The following SLC12A4 variants were observed in gnomAD, a reference collection of about 807,000 sequenced individuals.
The protein encoded by SLC12A4 is electroneutral potassium-chloride cotransporter 1.
Under a neutral mutation model 119.2 loss-of-function variants are expected in SLC12A4, and 84 were observed. The observed-to-expected ratio is 0.70, with a 90% confidence interval of 0.59 to 0.85. The LOEUF (loss-of-function observed/expected upper bound fraction) is 0.85, where lower values mean the gene tolerates loss of function less well. Among genes scored for constraint, SLC12A4 ranks in the 40% least tolerant of loss-of-function variants. The pLI is 0.00. For missense variants in SLC12A4, 1,298 were observed against 1,476.3 expected (o/e 0.88, Z 1.98); for synonymous variants, 599 against 604.6 (o/e 0.99, Z 0.14).
rs1199110131 is a variant in SLC12A4, at chr16:67,951,574, C to T, written c.1132+249G>A. On this transcript the variant is annotated intron_variant, in intron 8 of 23. Coordinates refer to ENST00000316341, the MANE Select transcript of SLC12A4 (RefSeq NM_005072.5). The surrounding 1 kb of genome is among the most constrained non-coding windows in gnomAD (Gnocchi z 5.2). ...GAGGCCTTTATGGATCCTGTGGGAA[C>T]ATCCCCAGGCAGTGTCAGGGGCTGG... The T allele has an allele frequency of 3.3e-6, 2 of 607,344 alleles. No individual in the cohort carries two copies. The highest frequency in any genetic ancestry group is 5.8e-6 in the Non-Finnish European group (2 of 345,202). The allele number at this position is 607,344 out of a possible 1,614,324, so 37.6% of individuals were successfully genotyped here. A position where few individuals can be genotyped will look rare whatever the true frequency, so the allele number is the denominator to read the frequency against.
rs2058384136 is a variant in SLC12A4 at position 67,949,094 on chromosome 16, C to G, written c.1748+706G>C. On this transcript the variant is annotated intron_variant, in intron 13 of 23. Coordinates refer to ENST00000316341, the MANE Select transcript of SLC12A4 (RefSeq NM_005072.5). This position sits in a 1 kb window ranked among gnomAD's most constrained non-coding sequence, Gnocchi z 4.6. ...GGAGTCACCACATGCTGGCCACTCC[C>G]TGCAAGGCACTGGCACGCAGATTTG... is the stretch of plus-strand genomic sequence containing the variant. Among the ~76,000 whole-genome samples the G allele has an allele frequency of 6.6e-6, 1 of 152,172 alleles. No individual in the cohort carries two copies. Among genetic ancestry groups the G allele is most frequent in the Non-Finnish European group, 1.5e-5 (1 of 68,026 alleles).
chr16:67,945,256 G>T (rs1482931525), intron 22 of SLC12A4, 36 bp from the exon 23 acceptor site: 1 of 1,553,118 alleles, frequency 6.4e-7, no homozygotes. Context: ...GTCGCCATGA[G>T]CCATCCTGCA....
intron 1 of SLC12A4, chr16:67,963,892 C>T: frequency 6.5e-7 from 1 of 1,547,124 alleles, no homozygotes; most frequent in Non-Finnish European, 8.7e-7. Flanking sequence ...CCCAGATCGC[C>T]TCCACGCCCC....
At position 67,950,051 on chromosome 16, in the gene SLC12A4, G is replaced by T; in HGVS notation, c.1630-133C>A. 1.4e-6 allele frequency: 1 copy of T among 738,574 alleles called. No individual in the cohort carries two copies. Among genetic ancestry groups the T allele is most frequent in the Non-Finnish European group, 2.3e-6 (1 of 435,218 alleles). 45.8% of individuals were successfully genotyped at this position (738,574 alleles called of 1,614,324 possible). ...GGCCGCCCCTGTGTCTATCCCTATG[G>T]GTGTCACCAGTCTCCCTGATTCCAC... On this transcript the variant is annotated intron_variant, in intron 12 of 23. Transcript: ENST00000316341. The surrounding 1 kb of genome is among the most constrained non-coding windows in gnomAD (Gnocchi z 4.3).
chr16:67,957,753 C>A lies in SLC12A4; in HGVS notation c.533G>T (p.Gly178Val). The change falls in exon 5 of 24, where the codon GGT becomes GTT. Residue 178 changes from glycine to valine, a missense_variant. Transcript: ENST00000316341. ...AISMSAIATNGVVPAGGSYFM... is the reference protein window; with the variant it reads ...AISMSAIATNVVVPAGGSYFM... Reference sequence around the variant, plus strand: ...TGGCGCTCACTGACCTGGAACCACACCGTTGGTGGCGATGGCACTCATGGA... The same window carrying A: ...TGGCGCTCACTGACCTGGAACCACAACGTTGGTGGCGATGGCACTCATGGA... 6.2e-7 allele frequency: 1 copy of A among 1,613,526 alleles called. No homozygotes were observed. The highest frequency in any genetic ancestry group is 8.5e-7 in the Non-Finnish European group (1 of 1,180,026).
rs761356490 is a variant in SLC12A4, at chr16:67,946,162, CT to C, written c.2607+8del. ...AGCCCCTCTCATCTGCACCCACCCC[CT>C]GGTCTACCTTATGCTGGCGCAGCAG... is the stretch of plus-strand genomic sequence containing the variant. On this transcript the variant is annotated splice_region_variant and intron_variant, in intron 19 of 23. Transcript: ENST00000316341. The C allele has an allele frequency of 3.4e-5, 55 of 1,613,846 alleles. No homozygotes were observed. The African/African-American group carries it at 6.5e-4, about 19-fold the overall frequency.
At chr16:67,965,716 T>G (rs1033032464) in intron 1 of SLC12A4, among the ~76,000 whole-genome samples, 4 of 152,188 alleles carry the variant, frequency 2.6e-5, no homozygotes, top group Admixed American at 1.3e-4. Context: ...CTGTAAATGG[T>G]CCTCTAAGAC....
chr16:67,956,644 A>G (rs1475773598), intron 5 of SLC12A4, among the ~76,000 whole-genome samples: 1 of 152,150 alleles, frequency 6.6e-6, no homozygotes, highest in East Asian at 1.9e-4. Flanking sequence ...AGATCATGCC[A>G]CTGCACTCCA....
chr16:67,953,917 T>C (rs985293736), intron 6 of SLC12A4, among the ~76,000 whole-genome samples: 9 of 152,102 alleles, frequency 5.9e-5, no homozygotes, highest in African/African-American at 1.7e-4. Flanking sequence ...ACATAATGAA[T>C]GTAGAAGGGA....
chr16:67,951,112 G>T lies in SLC12A4; in HGVS notation c.1297+28C>A, dbSNP rs375980951. The T allele has an allele frequency of 8.1e-6, 13 of 1,613,810 alleles. No individual in the cohort carries two copies. The highest frequency in any genetic ancestry group is 1.0e-5 in the Non-Finnish European group (12 of 1,179,800). On this transcript the variant is annotated intron_variant, in intron 9 of 23. Transcript: ENST00000316341. This position sits in a 1 kb window ranked among gnomAD's most constrained non-coding sequence, Gnocchi z 5.2. ...GGGGCTCCCCGGGATTGGGGACAGG[G>T]CTGGGTGGGTAGGCAGGCAGGGCTC... is the stretch of plus-strand genomic sequence containing the variant.
chr16:67,944,906 G>A lies in SLC12A4; in HGVS notation c.3192C>T (p.Thr1064=), dbSNP rs778938401. Residue 1064 remains threonine (T), a synonymous_variant, in exon 24 of 24, where the codon ACC becomes ACT. Coordinates refer to ENST00000316341, the MANE Select transcript of SLC12A4 (RefSeq NM_005072.5). This position sits in a 1 kb window ranked among gnomAD's most constrained non-coding sequence, Gnocchi z 6.6. ...CCAACAGCACCCGCTCAAGGCCCTC[G>A]GTCAGCACCTCGAGGAACTCCATGT... ...ENYMEFLEVL[T]EGLERVLLVR... 5.0e-6 allele frequency: 8 copies of A among 1,613,306 alleles called. No individual in the cohort carries two copies. Among genetic ancestry groups the A allele is most frequent in the Admixed American group, 1.7e-5 (1 of 59,982 alleles).
Position 67,952,322 on chromosome 16 carries a change from G to A in SLC12A4, c.779C>T (p.Thr260Ile), listed in dbSNP as rs1232741135. ...CACAAACACCACCAGGGTCATGAAG[G>A]TCAGGAAAATGGTCCCATACACACG... is the stretch of plus-strand genomic sequence containing the variant. The part of the protein sequence containing the change: ...NMRVYGTIFL[T>I]FMTLVVFVGV... The change falls in exon 7 of 24, where the codon ACC becomes ATC. Residue 260 changes from threonine to isoleucine, a missense_variant. Thr to Ile is a moderately conservative substitution (Grantham distance 89). Coordinates refer to ENST00000316341, the MANE Select transcript of SLC12A4 (RefSeq NM_005072.5). The A allele has an allele frequency of 6.2e-7, 1 of 1,614,040 alleles. No individual in the cohort carries two copies. Among genetic ancestry groups the A allele is most frequent in the East Asian group, 2.2e-5 (1 of 44,900 alleles).
rs2058331013 is a variant in SLC12A4 at position 67,945,364 on chromosome 16, C to T, written c.3032+5G>A. ...TGCCGCTGGGGCTGTTTTTGCTGCA[C>T]TCACGGCTTAATGTGCACCAGCTCC... On this transcript the variant is annotated splice_donor_5th_base_variant and intron_variant, in intron 22 of 23. Coordinates refer to ENST00000316341, the MANE Select transcript of SLC12A4 (RefSeq NM_005072.5). 2 of 1,611,436 alleles carry T rather than the reference C, an allele frequency of 1.2e-6. No individual in the cohort carries two copies. The highest frequency in any genetic ancestry group is 1.3e-5 in the African/African-American group (1 of 74,886).
rs369573904 is a variant in SLC12A4 at position 67,946,582 on chromosome 16, C to T, written c.2293G>A (p.Val765Met). 2.0e-5 allele frequency: 33 copies of T among 1,613,056 alleles called. No individual in the cohort carries two copies. The highest frequency in any genetic ancestry group is 2.6e-5 in the Non-Finnish European group (31 of 1,180,022). ...IEKVKGFCQV[V>M]VASKVREGLA... The stretch of plus-strand genomic sequence containing the variant: ...CCCTCCCGCACCTTGCTGGCCACCA[C>T]CACCTGGCAGAAGCCCTTCACCTTC... Residue 765 changes from valine to methionine, a missense_variant, in exon 18 of 24, where the codon GTG becomes ATG. Coordinates refer to ENST00000316341, the MANE Select transcript of SLC12A4 (RefSeq NM_005072.5).
chr16:67,949,694 T>C lies in SLC12A4; in HGVS notation c.1748+106A>G. On this transcript the variant is annotated intron_variant, in intron 13 of 23. Coordinates refer to ENST00000316341, the MANE Select transcript of SLC12A4 (RefSeq NM_005072.5). This position sits in a 1 kb window ranked among gnomAD's most constrained non-coding sequence, Gnocchi z 4.6. ...TCAGGCCACATCTCCCCATGCAGCCTGCCACATCTCCCAGCTGGACCTCCA... is the reference window on the plus strand; with the variant it reads ...TCAGGCCACATCTCCCCATGCAGCCCGCCACATCTCCCAGCTGGACCTCCA... 4 of 743,228 alleles carry C rather than the reference T, an allele frequency of 5.4e-6. No individual in the cohort carries two copies. The highest frequency in any genetic ancestry group is 6.6e-6 in the Non-Finnish European group (3 of 454,278). The allele number at this position is 743,228 out of a possible 1,614,324, so 46.0% of individuals were successfully genotyped here. A position where few individuals can be genotyped will look rare whatever the true frequency, so the allele number is the denominator to read the frequency against.
At chr16:67,960,918 C>T (rs937588503) in intron 3 of SLC12A4, among the ~76,000 whole-genome samples, 1 of 152,090 alleles carries the variant, frequency 6.6e-6, no homozygotes, top group Middle Eastern at 3.4e-3. Flanking sequence ...ACTCAAGGAA[C>T]CCAGGGGGTT....
intron 2 of SLC12A4, 26 bp from the exon 3 acceptor site, chr16:67,961,732 T>C (rs763116978): frequency 6.2e-6 from 10 of 1,613,520 alleles, no homozygotes; most frequent in Non-Finnish European, 8.5e-6. Context: ...CAGGGCAAGA[T>C]GGCATTGGGC....
In SLC12A4 at chr16:67,945,483, G is replaced by A. The variant is rs1218578935; in HGVS notation, c.2918C>T (p.Ser973Phe). 4 of 1,614,112 alleles carry A rather than the reference G, an allele frequency of 2.5e-6. No homozygotes were observed. Among genetic ancestry groups the A allele is most frequent in the Non-Finnish European group, 3.4e-6 (4 of 1,180,016 alleles). ...ESLYSDEEDE[S>F]AVGADKIQMT... The stretch of plus-strand genomic sequence containing the variant: ...CTGGATCTTGTCAGCCCCCACTGCA[G>A]ACTCATCTTCCTCGTCCGAGTACAG... The change falls in exon 22 of 24, where the codon TCT becomes TTT. Residue 973 changes from serine (S) to phenylalanine (F), a missense_variant. By Grantham distance (155) the Ser-to-Phe change is radical (BLOSUM62 -2). Transcript: ENST00000316341.
Position 67,945,369 on chromosome 16 carries a change from G to A in SLC12A4, c.3032C>T (p.Pro1011Leu), listed in dbSNP as rs1567412008. 3.7e-6 allele frequency: 6 copies of A among 1,612,680 alleles called. No homozygotes were observed. Among genetic ancestry groups the A allele is most frequent in the African/African-American group, 1.3e-5 (1 of 74,988 alleles). Residue 1011 changes from proline to leucine, a missense_variant and splice_region_variant, in exon 22 of 24, where the codon CCG (proline) becomes CTG (leucine). By Grantham distance (98) the Pro-to-Leu change is moderately conservative (BLOSUM62 -3). Transcript: ENST00000316341. Reference sequence around the variant, plus strand: ...CTGGGGCTGTTTTTGCTGCACTCACGGCTTAATGTGCACCAGCTCCCGGAA... The same window carrying A: ...CTGGGGCTGTTTTTGCTGCACTCACAGCTTAATGTGCACCAGCTCCCGGAA... ...DNFRELVHIK[P>L]DQSNVRRMHT...
Sources: allele counts gnomAD v4.1 joint callset (sites outside exome capture counted in the v4.1 genomes callset), GRCh38; gene constraint gnomAD v4.1.1; non-coding constraint Gnocchi (gnomAD v3.1); transcripts MANE v1.5; gene names NCBI Gene and HGNC (gene_info 2026-07-23, HGNC 2026-07-21).